IL6: variants seen among roughly 807,000 people sequenced by gnomAD.
IL6 encodes interleukin 6, also known as interleukin-6.
In IL6, 5 loss-of-function variants were observed where a neutral mutation model predicts 18.0. That is an observed-to-expected ratio of 0.28 (90% CI 0.15 to 0.58). IL6 has a LOEUF of 0.58. Ranked by LOEUF, IL6 falls within the 20% of genes least tolerant of loss-of-function variation. IL6 has a pLI of 0.90. For synonymous variants in IL6, 97 were observed against 95.1 expected (o/e 1.02, Z -0.12); for missense variants, 266 against 251.0 (o/e 1.06, Z -0.40).
intron 3 of IL6, among the ~76,000 whole-genome samples, chr7:22,729,008 C>T (rs1267874986): frequency 6.6e-6 from 1 of 152,188 alleles, no homozygotes; most frequent in Admixed American, 6.5e-5. Flanking sequence ...AGAGATGGTG[C>T]CACTGTGGTG....
Position 22,727,445 on chromosome 7 carries a change from C to T in IL6, c.21C>T (p.Ser7=), listed in dbSNP as rs199941251. 4 of 1,613,894 alleles carry T rather than the reference C, an allele frequency of 2.5e-6. No homozygotes were observed. In the South Asian group the frequency reaches 3.3e-5, roughly 13 times the overall value. Residue 7 remains serine (S), a splice_region_variant and synonymous_variant, in exon 2 of 5, where the codon AGC becomes AGT. Coordinates refer to ENST00000258743, the MANE Select transcript of IL6 (RefSeq NM_000600.5). MNSFST[S]AFGPVAFSLG... ...TGCGCTCGCTCCCCTCCGGCACAGG[C>T]GCCTTCGGTCCAGTTGCCTTCTCCC... is the stretch of plus-strand genomic sequence containing the variant.
chr7:22,729,470 T>C (rs981991628), intron 3 of IL6, 44 bp from the exon 4 acceptor site: 1 of 1,582,024 alleles, frequency 6.3e-7, no homozygotes, highest in Non-Finnish European at 8.6e-7. Flanking sequence ...AAATTGATTC[T>C]ATCTCCTGGC....
At chr7:22,729,792 A>C in intron 4 of IL6, 132 bp downstream of exon 4, 1 of 1,550,682 alleles carries the variant, frequency 6.4e-7, no homozygotes, top group Non-Finnish European at 8.7e-7. Flanking sequence ...TCTGAGAAAT[A>C]GTTTCTGATT....
intron 2 of IL6, 110 bp downstream of exon 2, chr7:22,727,744 G>A: frequency 7.8e-7 from 1 of 1,283,644 alleles, no homozygotes; most frequent in Non-Finnish European, 1.1e-6. Flanking sequence ...GGGTTCTAGA[G>A]CACTGTAGAT....
chr7:22,728,622 A>G, intron 2 of IL6, 71 bp from the exon 3 acceptor site: 1 of 867,562 alleles, frequency 1.2e-6, no homozygotes, highest in Non-Finnish European at 1.9e-6. Context: ...TGGTTGAACA[A>G]TGAAAAGGCC....
intron 4 of IL6, among the ~76,000 whole-genome samples, chr7:22,730,670 A>T (rs1784109224): frequency 6.6e-6 from 1 of 152,210 alleles, no homozygotes; most frequent in Admixed American, 6.5e-5. Flanking sequence ...AATATGAACT[A>T]TGTGCCAGGC....
intron 3 of IL6, among the ~76,000 whole-genome samples, 160 bp from the exon 4 acceptor site, chr7:22,729,354 A>T (rs916754518): frequency 1.3e-5 from 2 of 152,224 alleles, no homozygotes; most frequent in African/African-American, 2.4e-5. Context: ...CCAGTTATTT[A>T]AAATGGTGCT....
At chr7:22,729,693 G>C (rs773431914) in intron 4 of IL6, 33 bp downstream of exon 4, 1 of 1,614,096 alleles carries the variant, frequency 6.2e-7, no homozygotes, top group Non-Finnish European at 8.5e-7. Context: ...AACTTGGTGT[G>C]GGGGAAGACA....
rs199500690 is a variant in IL6 at position 22,729,946 on chromosome 7, C to CG, written c.471+293dup. 6,254 of 1,341,718 alleles carry CG rather than the reference C, an allele frequency of 4.7e-3. 20 individuals are homozygous for CG. The highest frequency in any genetic ancestry group is 5.4e-3 in the Non-Finnish European group (5,643 of 1,048,850). 83.1% of individuals were successfully genotyped at this position (1,341,718 alleles called of 1,614,324 possible). Reference sequence around the variant, plus strand: ...AGTGCAAGAGATTTAAAACCAAAGGCGGGGGGGCGGGCAGAAAAAAGTGCA... The same window carrying CG: ...AGTGCAAGAGATTTAAAACCAAAGGCGGGGGGGGCGGGCAGAAAAAAGTGCA... On this transcript the variant is annotated intron_variant, in intron 4 of 4. Coordinates refer to ENST00000258743, the MANE Select transcript of IL6 (RefSeq NM_000600.5).
intron 3 of IL6, 43 bp downstream of exon 3, chr7:22,728,849 A>G: frequency 8.9e-7 from 1 of 1,128,284 alleles, no homozygotes; most frequent in South Asian, 1.2e-5. Flanking sequence ...CCTTAGGCAA[A>G]ACTTCTCCCT....
chr7:22,730,403 A>G (rs551344842), intron 4 of IL6: 2 of 405,430 alleles, frequency 4.9e-6, no homozygotes, highest in South Asian at 2.1e-4. Flanking sequence ...AATTTCTACC[A>G]GGCTTATATC....
rs1315635684 is a variant in IL6, at chr7:22,727,753, A to G, written c.210+119A>G. The stretch of plus-strand genomic sequence containing the variant: ...TTTGCTGGGTTCTAGAGCACTGTAG[A>G]TTTGAGGCCAACGGGGCCGACTAGA... On this transcript the variant is annotated intron_variant, in intron 2 of 4. Transcript: ENST00000258743. The G allele has an allele frequency of 7.0e-6, 8 of 1,135,024 alleles. No homozygotes were observed. The African/African-American group carries it at 1.3e-4, about 18-fold the overall frequency. 70.3% of individuals were successfully genotyped at this position (1,135,024 alleles called of 1,614,324 possible).
intron 4 of IL6, among the ~76,000 whole-genome samples, chr7:22,730,932 A>G (rs1461546277): frequency 6.6e-6 from 1 of 152,124 alleles, no homozygotes; most frequent in Non-Finnish European, 1.5e-5. Context: ...AGAACAGCAA[A>G]GGGATGATTA....
At position 22,729,647 on chromosome 7, in the gene IL6, T is replaced by C; in HGVS notation, c.458T>C (p.Phe153Ser). 1 of 1,614,104 alleles carries C rather than the reference T, an allele frequency of 6.2e-7. No individual in the cohort carries two copies. The highest frequency in any genetic ancestry group is 8.5e-7 in the Non-Finnish European group (1 of 1,180,002). Residue 153 changes from phenylalanine (F) to serine (S), a missense_variant, in exon 4 of 5, where the codon TTC becomes TCC. Transcript: ENST00000258743. Reference sequence around the variant, plus strand: ...ATGAGTACAAAAGTCCTGATCCAGTTCCTGCAGAAAAAGGTGGGTGTGTCC... The same window carrying C: ...ATGAGTACAAAAGTCCTGATCCAGTCCCTGCAGAAAAAGGTGGGTGTGTCC... The part of the protein sequence containing the change: ...VQMSTKVLIQ[F>S]LQKKAKNLDA...
chr7:22,729,237 A>T (rs1370660618), intron 3 of IL6, among the ~76,000 whole-genome samples: 1 of 152,192 alleles, frequency 6.6e-6, no homozygotes, highest in East Asian at 1.9e-4. Flanking sequence ...CAAGGGCAAG[A>T]GTGCAGGAAG....
In IL6 at chr7:22,727,534, A is replaced by G; in HGVS notation, c.110A>G (p.Lys37Arg). 2 of 1,613,534 alleles carry G rather than the reference A, an allele frequency of 1.2e-6. No individual in the cohort carries two copies. Among genetic ancestry groups the G allele is most frequent in the East Asian group, 4.5e-5 (2 of 44,872 alleles). Residue 37 changes from lysine to arginine, a missense_variant, in exon 2 of 5, where the codon AAA becomes AGA. Coordinates refer to ENST00000258743, the MANE Select transcript of IL6 (RefSeq NM_000600.5). ...PAPVPPGEDS[K>R]DVAAPHRQPL... The stretch of plus-strand genomic sequence containing the variant: ...CCAGTACCCCCAGGAGAAGATTCCA[A>G]AGATGTAGCCGCCCCACACAGACAG...
At chr7:22,727,675 A>C (rs1191304416) in intron 2 of IL6, 41 bp downstream of exon 2, 18 of 1,521,970 alleles carry the variant, frequency 1.2e-5, no homozygotes, top group Non-Finnish European at 1.6e-5. Context: ...CCCGGTGCGC[A>C]TGCGTTCCCC....
chr7:22,730,607 T>C (rs1784108090), intron 4 of IL6, among the ~76,000 whole-genome samples: 1 of 152,206 alleles, frequency 6.6e-6, no homozygotes, highest in African/African-American at 2.4e-5. Context: ...TAGAGGCCAC[T>C]GAAGAACCCA....
chr7:22,731,419 A>G lies in IL6; in HGVS notation c.485A>G (p.Asp162Gly). 6.4e-7 allele frequency: 1 copy of G among 1,573,866 alleles called. No homozygotes were observed. The highest frequency in any genetic ancestry group is 8.7e-7 in the Non-Finnish European group (1 of 1,155,050). ...ATTTTCCTTCAGGCAAAGAATCTAG[A>G]TGCAATAACCACCCCTGACCCAACC... Reference protein sequence around the residue: ...QFLQKKAKNLDAITTPDPTTN... With the variant: ...QFLQKKAKNLGAITTPDPTTN... Residue 162 changes from aspartate to glycine, a missense_variant, in exon 5 of 5, where the codon GAT becomes GGT. Asp to Gly is a moderately conservative substitution (Grantham distance 94, BLOSUM62 -1). Coordinates refer to ENST00000258743, the MANE Select transcript of IL6 (RefSeq NM_000600.5).
Sources: gnomAD v4.1 joint callset for allele counts (sites outside exome capture counted in the v4.1 genomes callset) on GRCh38, gnomAD v4.1.1 for gene constraint, MANE v1.5 for transcripts, NCBI Gene and HGNC (gene_info 2026-07-23, HGNC 2026-07-21) for gene names.